Variants in MAP2K4 observed in about 807,000 individuals in gnomAD.
The protein encoded by MAP2K4 is dual specificity mitogen-activated protein kinase kinase 4.
MAP2K4 carries 4 observed loss-of-function variants against 48.5 expected under a neutral mutation model. The ratio of observed to expected loss-of-function variants is 0.08; its 90% CI spans 0.04 to 0.19. The LOEUF (loss-of-function observed/expected upper bound fraction) is 0.19, where lower values mean the gene tolerates loss of function less well. MAP2K4 is among the 10% of genes least tolerant of loss of function. MAP2K4 has a pLI of 1.00. For synonymous variants in MAP2K4, 166 were observed against 173.1 expected, an observed-to-expected ratio of 0.96 and a Z score of 0.32; for missense variants, 258 against 493.3, an observed-to-expected ratio of 0.52 and a Z score of 4.52.
At chr17:12,063,470 A>G (rs539777467) in intron 2 of MAP2K4, among the ~76,000 whole-genome samples, 17 of 152,200 alleles carry the variant, frequency 1.1e-4, no homozygotes, top group Non-Finnish European at 2.1e-4. Flanking sequence ...TCTACTTCAT[A>G]CCATATGCAA....
chr17:12,021,090 G>A, intron 1 of MAP2K4, 89 bp downstream of exon 1: 1 of 764,842 alleles, frequency 1.3e-6, no homozygotes. Flanking sequence ...CCCCGGACCC[G>A]GCTGAGGAAG....
intron 9 of MAP2K4, among the ~76,000 whole-genome samples, chr17:12,130,321 A>G (rs1972982644): frequency 6.6e-6 from 1 of 152,212 alleles, no homozygotes; most frequent in Non-Finnish European, 1.5e-5. Context: ...TAGAAGAAGG[A>G]CATAAGGATG....
intron 7 of MAP2K4, among the ~76,000 whole-genome samples, chr17:12,122,495 T>C (rs1352508530): frequency 6.6e-6 from 1 of 152,220 alleles, no homozygotes; most frequent in African/African-American, 2.4e-5. Context: ...TTTCCAATAT[T>C]TTGCTATTAT....
chr17:12,141,035 A>G (rs1215337146), intron 10 of MAP2K4, 112 bp from the exon 11 acceptor site: 5 of 680,808 alleles, frequency 7.3e-6, no homozygotes, highest in South Asian at 5.1e-5. Flanking sequence ...GCGGTATTTC[A>G]TAGCTATGTG....
At chr17:12,059,687 T>C (rs1970390492) in intron 2 of MAP2K4, among the ~76,000 whole-genome samples, 1 of 152,222 alleles carries the variant, frequency 6.6e-6, no homozygotes, top group African/African-American at 2.4e-5. Flanking sequence ...TTTATTACAT[T>C]GGAACAGACA....
intron 4 of MAP2K4, among the ~76,000 whole-genome samples, chr17:12,105,436 T>C (rs976486848): frequency 3.9e-5 from 6 of 152,206 alleles, no homozygotes; most frequent in Admixed American, 3.3e-4. Context: ...AATGATATCT[T>C]TTTATTTTCG....
intron 7 of MAP2K4, among the ~76,000 whole-genome samples, chr17:12,121,802 A>G (rs956315765): frequency 2.0e-5 from 3 of 152,170 alleles, no homozygotes; most frequent in African/African-American, 4.8e-5. Context: ...TTTTTATTGC[A>G]TAACATTGCA....
intron 3 of MAP2K4, chr17:12,082,125 C>A: frequency 3.7e-6 from 1 of 267,586 alleles, no homozygotes; most frequent in Non-Finnish European, 8.2e-6. Context: ...TTGTGTCGTG[C>A]CACTTAATAT....
rs535212045 is a variant in MAP2K4, at chr17:12,046,963, T to C, written c.116-7926T>C. ...AGTAAGAGGTAGTCTACAAGTAGAA[T>C]GCTGCTTTTGCCTTTGTCTGGTGTT... is the stretch of plus-strand genomic sequence containing the variant. On this transcript the variant is annotated intron_variant, in intron 1 of 10. Transcript: ENST00000353533. Among the ~76,000 whole-genome samples the C allele has an allele frequency of 5.9e-5, 9 of 152,236 alleles. No homozygotes were observed. The South Asian group carries it at 1.7e-3, about 28-fold the overall frequency.
At position 12,141,243 on chromosome 17, in the gene MAP2K4, C is replaced by T; in HGVS notation, c.1183C>T (p.Pro395Ser). 1 of 1,612,930 alleles carries T rather than the reference C, an allele frequency of 6.2e-7. No homozygotes were observed. The highest frequency in any genetic ancestry group is 8.5e-7 in the Non-Finnish European group (1 of 1,178,940). Residue 395 changes from proline (P) to serine (S), a missense_variant, in exon 11 of 11, where the codon CCC becomes TCC. Pro to Ser is a moderately conservative substitution (Grantham distance 74). Coordinates refer to ENST00000353533, the MANE Select transcript of MAP2K4 (RefSeq NM_003010.4). ...LDQMPATPSSPMYVD is the reference protein window; with the variant it reads ...LDQMPATPSSSMYVD Reference sequence around the variant, plus strand: ...TCAAATGCCAGCTACTCCCAGCTCTCCCATGTATGTCGATTGATATCGCTG... The same window carrying T: ...TCAAATGCCAGCTACTCCCAGCTCTTCCATGTATGTCGATTGATATCGCTG...
chr17:12,111,997 T>C (rs1038281169), intron 6 of MAP2K4, among the ~76,000 whole-genome samples: 24 of 152,178 alleles, frequency 1.6e-4, no homozygotes, highest in African/African-American at 5.3e-4. Flanking sequence ...TTTTCCCACG[T>C]CTCTAATACC....
intron 4 of MAP2K4, 24 bp from the exon 5 acceptor site, chr17:12,107,766 T>A (rs2151572762): frequency 6.4e-7 from 1 of 1,558,656 alleles, no homozygotes; most frequent in Non-Finnish European, 8.7e-7. Context: ...TGTATAAGAA[T>A]AACAGATATT....
Position 12,081,283 on chromosome 17 carries a change from T to C in MAP2K4, c.219-73T>C, listed in dbSNP as rs1383933716. On this transcript the variant is annotated intron_variant, in intron 2 of 10. Coordinates refer to ENST00000353533, the MANE Select transcript of MAP2K4 (RefSeq NM_003010.4). This position sits in a 1 kb window ranked among gnomAD's most constrained non-coding sequence, Gnocchi z 4.2. Reference sequence around the variant, plus strand: ...ATTTAGAAAACATTTTTCCCACACATTAATCAGTACTAAAAGAAAAAAGTT... The same window carrying C: ...ATTTAGAAAACATTTTTCCCACACACTAATCAGTACTAAAAGAAAAAAGTT... 5 of 1,178,178 alleles carry C rather than the reference T, an allele frequency of 4.2e-6. No homozygotes were observed. The highest frequency in any genetic ancestry group is 6.0e-6 in the Non-Finnish European group (5 of 835,396). The allele number at this position is 1,178,178 out of a possible 1,614,324, so 73.0% of individuals were successfully genotyped here.
intron 3 of MAP2K4, among the ~76,000 whole-genome samples, chr17:12,086,794 C>T (rs1971378328): frequency 6.6e-6 from 1 of 152,120 alleles, no homozygotes; most frequent in African/African-American, 2.4e-5. Context: ...GACTAAATCC[C>T]AACTTACATA....
chr17:12,067,804 T>C (rs1448723513), intron 2 of MAP2K4, among the ~76,000 whole-genome samples: 1 of 152,222 alleles, frequency 6.6e-6, no homozygotes, highest in Non-Finnish European at 1.5e-5. Flanking sequence ...GGTGTGGGCA[T>C]AGGTATTTCA....
chr17:12,138,455 T>C (rs1973274701), intron 9 of MAP2K4, among the ~76,000 whole-genome samples: 1 of 151,994 alleles, frequency 6.6e-6, no homozygotes, highest in Non-Finnish European at 1.5e-5. Flanking sequence ...AAATATATTA[T>C]TTATGAAGTG....
At chr17:12,033,639 T>G (rs966345863) in intron 1 of MAP2K4, among the ~76,000 whole-genome samples, 1 of 152,182 alleles carries the variant, frequency 6.6e-6, no homozygotes, top group Non-Finnish European at 1.5e-5. Context: ...ATGATATATA[T>G]CTATATGAAA....
chr17:12,066,760 G>A (rs1401525079), intron 2 of MAP2K4, among the ~76,000 whole-genome samples: 8 of 152,142 alleles, frequency 5.3e-5, no homozygotes, highest in Non-Finnish European at 4.4e-5. Flanking sequence ...CGTGATCTCC[G>A]CTCACTGCAA....
At chr17:12,031,468 G>T (rs1969435500) in intron 1 of MAP2K4, among the ~76,000 whole-genome samples, 1 of 152,158 alleles carries the variant, frequency 6.6e-6, no homozygotes, top group African/African-American at 2.4e-5. Context: ...AACAAAACCA[G>T]ATATCCATCC....
Sources: gnomAD v4.1 joint callset for allele counts (sites outside exome capture counted in the v4.1 genomes callset) on GRCh38, gnomAD v4.1.1 for gene constraint, Gnocchi (gnomAD v3.1) non-coding constraint, MANE v1.5 for transcripts, NCBI Gene and HGNC (gene_info 2026-07-23, HGNC 2026-07-21) for gene names.